The following SLC25A36 variants were observed in gnomAD, a reference collection of about 807,000 sequenced individuals.
The protein encoded by SLC25A36 is epididymis secretory sperm binding protein.
A neutral mutation model predicts 35.3 loss-of-function variants in SLC25A36; 24 were observed. The observed-to-expected ratio is 0.68, with a 90% CI of 0.49 to 0.96. The LOEUF (loss-of-function observed/expected upper bound fraction) is 0.96. SLC25A36 is among the 40% of genes least tolerant of loss of function. The probability of loss-of-function intolerance (pLI) is 0.00; values close to 1 mark genes in which losing one functional copy is unlikely to be tolerated. For synonymous variants in SLC25A36, 141 were observed against 132.2 expected, an observed-to-expected ratio of 1.07 and a Z score of -0.46; for missense variants, 294 against 381.1, an observed-to-expected ratio of 0.77 and a Z score of 1.90.
intron 1 of SLC25A36, among the ~76,000 whole-genome samples, chr3:140,947,796 A>C (rs1195300528): frequency 6.6e-6 from 1 of 152,226 alleles, no homozygotes; most frequent in Non-Finnish European, 1.5e-5. Context: ...AGGTATATAG[A>C]TGTCCATCAC....
rs1934578160 is a variant in SLC25A36, at chr3:140,959,573, T to C, written c.284+33T>C. 6 of 1,092,700 alleles carry C rather than the reference T, an allele frequency of 5.5e-6. No individual in the cohort carries two copies. The East Asian group carries it at 1.6e-4, about 28-fold the overall frequency. 67.7% of individuals were successfully genotyped at this position (1,092,700 alleles called of 1,614,324 possible). On this transcript the variant is annotated intron_variant, in intron 3 of 6. Transcript: ENST00000324194. Reference sequence around the variant, plus strand: ...AAAAAAAAAATTGTTTAAAGCAAGTTATGGCAATCTCTTTTGTTTCAGCAC... The same window carrying C: ...AAAAAAAAAATTGTTTAAAGCAAGTCATGGCAATCTCTTTTGTTTCAGCAC...
In SLC25A36 at chr3:140,976,150, T is replaced by TG. The variant is rs1935037972; in HGVS notation, c.743-110_743-109insG. The TG allele has an allele frequency of 4.1e-6, 3 of 737,488 alleles. No individual in the cohort carries two copies. In the South Asian group the frequency reaches 6.7e-5, roughly 17 times the overall value. 45.7% of individuals were successfully genotyped at this position (737,488 alleles called of 1,614,324 possible). ...ATAAGCTACACATTAGAAGCCATCC[T>TG]TTTTTATCCTGAGCTTACACTTACA... On this transcript the variant is annotated intron_variant, in intron 6 of 6. Transcript: ENST00000324194.
chr3:140,974,832 C>CT (rs891905953), intron 6 of SLC25A36, among the ~76,000 whole-genome samples: 8 of 152,120 alleles, frequency 5.3e-5, no homozygotes, highest in African/African-American at 1.9e-4. Context: ...TGTATTTGCT[C>CT]TAATAGTAAT....
intron 4 of SLC25A36, chr3:140,968,205 G>A: frequency 1.1e-6 from 1 of 950,982 alleles, no homozygotes; most frequent in Non-Finnish European, 1.3e-6. Flanking sequence ...TATTTAGTTT[G>A]TTAAAGTGTC....
chr3:140,960,520 G>A lies in SLC25A36; in HGVS notation c.284+980G>A, dbSNP rs1478674689. ...AACCAAAGGACTAGGAAGGATGTCA[G>A]GGCTTAGAACAGGGTTGAAGAAAGG... On this transcript the variant is annotated intron_variant, in intron 3 of 6. Coordinates refer to ENST00000324194, the MANE Select transcript of SLC25A36 (RefSeq NM_001104647.3). Among the ~76,000 whole-genome samples, 6 of 152,186 alleles carry A rather than the reference G, an allele frequency of 3.9e-5. No homozygotes were observed. In the East Asian group the frequency reaches 9.6e-4, roughly 24 times the overall value.
intron 6 of SLC25A36, 32 bp from the exon 7 acceptor site, chr3:140,976,228 G>A (rs3773835): frequency 0.054 from 75,216 of 1,385,786 alleles, 2,789 homozygotes; most frequent in East Asian, 0.17. Context: ...AAAGATATCA[G>A]TAATGTTTAA....
At chr3:140,958,559 A>C (rs190516385) in intron 2 of SLC25A36, among the ~76,000 whole-genome samples, 4 of 152,324 alleles carry the variant, frequency 2.6e-5, no homozygotes, top group Admixed American at 2.0e-4. Context: ...TCAGTATAGC[A>C]ACGGTTAACT....
Position 140,976,434 on chromosome 3 carries a change from T to C in SLC25A36, c.917T>C (p.Val306Ala). 6.2e-7 allele frequency: 1 copy of C among 1,612,282 alleles called. No homozygotes were observed. The highest frequency in any genetic ancestry group is 1.1e-5 in the South Asian group (1 of 90,716). ...AIMMATYELV[V>A]YLLNG ...ATGATGGCCACCTATGAATTGGTGG[T>C]TTACCTACTCAATGGATAGCAGCAC... Residue 306 changes from valine to alanine, a missense_variant, in exon 7 of 7, where the codon GTT becomes GCT. Physicochemically the swap from Val to Ala is moderately conservative, Grantham distance 64 (BLOSUM62 0). This residue lies in a region of SLC25A36 where 109 missense variants were observed against 179.7 expected (regional missense o/e 0.61). Transcript: ENST00000324194.
At chr3:140,961,642 T>A (rs1934628399) in intron 3 of SLC25A36, among the ~76,000 whole-genome samples, 1 of 151,626 alleles carries the variant, frequency 6.6e-6, no homozygotes, top group Non-Finnish European at 1.5e-5. Context: ...GATCACAAGG[T>A]CAGGAGATCG....
intron 1 of SLC25A36, among the ~76,000 whole-genome samples, chr3:140,950,391 G>A (rs139093837): frequency 1.3e-5 from 2 of 151,508 alleles, no homozygotes; most frequent in Non-Finnish European, 2.9e-5. Context: ...GGAGACTTTT[G>A]TCCCACTGAA....
chr3:140,944,788 AGCTCATTCATTT>A (rs141532135), intron 1 of SLC25A36, among the ~76,000 whole-genome samples: 11,353 of 152,186 alleles, frequency 0.075, 530 homozygotes, highest in East Asian at 0.16. Flanking sequence ...TATATCCTGG[AGCTCATTCATTT>A]GCTCAATCAT....
In SLC25A36 at chr3:140,976,627, C is replaced by G; in HGVS notation, c.*174C>G. On this transcript the variant is annotated 3_prime_UTR_variant, in exon 7 of 7. Coordinates refer to ENST00000324194, the MANE Select transcript of SLC25A36 (RefSeq NM_001104647.3). The stretch of plus-strand genomic sequence containing the variant: ...AATCACACCACATTACTTGGCCTTT[C>G]GGTAATGTGAAAAAAAAAAAAAACC... The G allele has an allele frequency of 2.9e-5, 8 of 278,662 alleles. No homozygotes were observed. The highest frequency in any genetic ancestry group is 3.4e-5 in the Non-Finnish European group (6 of 174,904). The allele number at this position is 278,662 out of a possible 1,614,324, so 17.3% of individuals were successfully genotyped here.
At chr3:140,946,474 C>T (rs943257428) in intron 1 of SLC25A36, among the ~76,000 whole-genome samples, 2 of 152,014 alleles carry the variant, frequency 1.3e-5, no homozygotes, top group Non-Finnish European at 2.9e-5. Context: ...CTAGACTATG[C>T]GTGGGACAGG....
At chr3:140,974,376 A>G (rs1934983495) in intron 6 of SLC25A36, among the ~76,000 whole-genome samples, 1 of 152,104 alleles carries the variant, frequency 6.6e-6, no homozygotes, top group Admixed American at 6.6e-5. Context: ...TTTCCCTGTT[A>G]TGCTAGAACA....
rs115408340 is a variant in SLC25A36 at position 140,980,885 on chromosome 3, A to G, written c.*4432A>G. On this transcript the variant is annotated 3_prime_UTR_variant, in exon 7 of 7. Transcript: ENST00000324194. ...AGCTGACTGCCTTAATATGTATTGA[A>G]TCAATTCAAGATTTATGTTCATAGA... Among the ~76,000 whole-genome samples, 1,830 of 152,096 alleles carry G rather than the reference A, an allele frequency of 0.012. 16 individuals carry two copies. Among genetic ancestry groups the G allele is most frequent in the South Asian group, 0.021 (102 of 4,810 alleles).
At position 140,974,000 on chromosome 3, in the gene SLC25A36, C is replaced by A; in HGVS notation, c.737C>A (p.Pro246Gln). 1 of 1,539,170 alleles carries A rather than the reference C, an allele frequency of 6.5e-7. No homozygotes were observed. The stretch of plus-strand genomic sequence containing the variant: ...ACTTGTGCCACAACTATAGCATATC[C>A]ACATGGTAAGAAGAGTTATCTATTA... ...SKTCATTIAY[P>Q]HEVVRTRLRE... The change falls in exon 6 of 7, where the codon CCA becomes CAA. Residue 246 changes from proline to glutamine, a missense_variant. Around this residue, in one of 2 missense-constraint regions of SLC25A36, gnomAD observed 109 missense variants for 179.7 expected, o/e 0.61. Transcript: ENST00000324194.
chr3:140,962,684 T>C (rs1934660168), intron 3 of SLC25A36, among the ~76,000 whole-genome samples: 1 of 152,152 alleles, frequency 6.6e-6, no homozygotes. Context: ...TATCTACTTA[T>C]CTTCAGTAAC....
intron 1 of SLC25A36, among the ~76,000 whole-genome samples, chr3:140,950,918 C>CTGTGTGTGTGTGTGTGTGTG (rs373375551): frequency 2.2e-5 from 3 of 136,376 alleles, no homozygotes; most frequent in African/African-American, 8.1e-5. Flanking sequence ...GTCTGTGTGT[C>CTGTGTGTGTGTGTGTGTGTG]TGTGTGTGTG....
chr3:140,972,498 A>G (rs1397410261), intron 5 of SLC25A36, among the ~76,000 whole-genome samples: 1 of 151,684 alleles, frequency 6.6e-6, no homozygotes, highest in East Asian at 1.9e-4. Flanking sequence ...TAATCTCTAT[A>G]AAAAATGCAT....
Sources: gnomAD v4.1 joint callset for allele counts (sites outside exome capture counted in the v4.1 genomes callset) on GRCh38, gnomAD v4.1.1 for gene constraint, gnomAD v4.1.1 regional missense constraint, MANE v1.5 for transcripts, NCBI Gene and HGNC (gene_info 2026-07-23, HGNC 2026-07-21) for gene names.